The following PRKCZ variants were observed in gnomAD, a reference collection of about 807,000 sequenced individuals.
PRKCZ encodes the protein protein kinase C zeta, also known as protein kinase C zeta type.
A neutral mutation model predicts 79.5 loss-of-function variants in PRKCZ; 33 were observed. The ratio of observed to expected loss-of-function variants is 0.41; its 90% CI spans 0.31 to 0.55. The LOEUF is 0.55. PRKCZ is among the 20% of genes least tolerant of loss of function. PRKCZ has a pLI of 0.19. For synonymous variants in PRKCZ, 342 were observed against 320.9 expected (o/e 1.07, Z -0.70); for missense variants, 578 against 813.5 (o/e 0.71, Z 3.52).
At chr1:2,133,589 C>G (rs2103012164) in intron 4 of PRKCZ, 1 of 141,174 alleles carries the variant, frequency 7.1e-6, no homozygotes, top group East Asian at 2.3e-4. Flanking sequence ...CCATTTTTGA[C>G]TCCGCCCCCG....
intron 11 of PRKCZ, among the ~76,000 whole-genome samples, 170 bp downstream of exon 11, chr1:2,169,774 G>A (rs1397325378): frequency 7.7e-6 from 1 of 129,040 alleles, no homozygotes; most frequent in Non-Finnish European, 1.7e-5. Context: ...GGTGGGGTGT[G>A]CACGGAGGGG....
rs375267376 is a variant in PRKCZ, at chr1:2,135,253, C to T, written c.335-9C>T. ...CTGTTTCTTTACACCTTTCTCATAT[C>T]CTTTCCAGAATCTATCTACCGCCGG... is the stretch of plus-strand genomic sequence containing the variant. On this transcript the variant is annotated splice_polypyrimidine_tract_variant and intron_variant, in intron 4 of 17. Transcript: ENST00000378567. The T allele has an allele frequency of 2.5e-6, 4 of 1,609,456 alleles. No individual in the cohort carries two copies. The highest frequency in any genetic ancestry group is 1.7e-5 in the Admixed American group (1 of 59,868).
At chr1:2,184,801 C>G in intron 17 of PRKCZ, 103 bp downstream of exon 17, 1 of 1,381,254 alleles carries the variant, frequency 7.2e-7, no homozygotes, top group Non-Finnish European at 1.0e-6. Flanking sequence ...TGAGTCCCAC[C>G]CGCCTGGTGT....
chr1:2,139,690 C>T (rs1289807341), intron 5 of PRKCZ, among the ~76,000 whole-genome samples: 1 of 152,194 alleles, frequency 6.6e-6, no homozygotes, highest in Non-Finnish European at 1.5e-5. Flanking sequence ...AGGCATGGAC[C>T]CTACTCTCTG....
At chr1:2,120,831 A>G (rs1481450960) in intron 4 of PRKCZ, among the ~76,000 whole-genome samples, 2 of 131,396 alleles carry the variant, frequency 1.5e-5, no homozygotes, top group Non-Finnish European at 3.1e-5. Context: ...TAGAATTTCC[A>G]TTTGATTCTT....
At position 2,055,425 on chromosome 1, in the gene PRKCZ, G is replaced by T; in HGVS notation, c.72-16G>T. 2.5e-6 allele frequency: 4 copies of T among 1,595,852 alleles called. No individual in the cohort carries two copies. The highest frequency in any genetic ancestry group is 3.4e-6 in the Non-Finnish European group (4 of 1,169,486). On this transcript the variant is annotated splice_polypyrimidine_tract_variant and intron_variant, in intron 1 of 17. Transcript: ENST00000378567. ...ATGCCCCACGGTAACAGATGCCCAT[G>T]TCCCCTCTGCCCCAGGGACATCTTC...
At chr1:2,061,153 C>T (rs1030035184) in intron 4 of PRKCZ, among the ~76,000 whole-genome samples, 3 of 152,334 alleles carry the variant, frequency 2.0e-5, no homozygotes, top group East Asian at 1.9e-4. Context: ...GACTGTGCTC[C>T]TCTGTCCCAT....
At chr1:2,057,170 G>A (rs947719245) in intron 3 of PRKCZ, among the ~76,000 whole-genome samples, 3 of 152,330 alleles carry the variant, frequency 2.0e-5, no homozygotes, top group Non-Finnish European at 4.4e-5. Context: ...TCACCTGCCC[G>A]GTGCTCCCTA....
In PRKCZ at chr1:2,148,101, C is replaced by G. The variant is rs1007962869; in HGVS notation, c.635-771C>G. Among the ~76,000 whole-genome samples, 5 of 151,442 alleles carry G rather than the reference C, an allele frequency of 3.3e-5. No individual in the cohort carries two copies. In the East Asian group the frequency reaches 5.8e-4, roughly 18 times the overall value. ...ATCTATTGTCTACTGACCTCTCCAT[C>G]TATCCATCCATCTATTGTCCACTGA... On this transcript the variant is annotated intron_variant, in intron 7 of 17. Transcript: ENST00000378567.
chr1:2,061,180 C>T (rs925229678), intron 4 of PRKCZ, among the ~76,000 whole-genome samples: 4 of 152,192 alleles, frequency 2.6e-5, no homozygotes, highest in African/African-American at 7.2e-5. Flanking sequence ...TGAGACTGTG[C>T]ACTCCCAGAG....
In PRKCZ at chr1:2,109,831, C is replaced by T. The variant is rs144245542; in HGVS notation, c.335-25431C>T. ...ATTTTGTGGTGTCGGTGGTGGGAGC[C>T]GCCGGGGAAAGCCGTCATCCTGGAG... On this transcript the variant is annotated intron_variant, in intron 4 of 17. Transcript: ENST00000378567. Among the ~76,000 whole-genome samples, 1,380 of 152,210 alleles carry T rather than the reference C, an allele frequency of 9.1e-3. 16 individuals carry two copies. The highest frequency in any genetic ancestry group is 0.011 in the Non-Finnish European group (764 of 67,998).
At chr1:2,179,387 C>T (rs1197595103) in intron 16 of PRKCZ, among the ~76,000 whole-genome samples, 1 of 152,180 alleles carries the variant, frequency 6.6e-6, no homozygotes, top group Non-Finnish European at 1.5e-5. Flanking sequence ...TAAGAGGGTC[C>T]CCATCCCCGC....
At chr1:2,089,241 G>T (rs1016544834) in intron 4 of PRKCZ, among the ~76,000 whole-genome samples, 1 of 152,136 alleles carries the variant, frequency 6.6e-6, no homozygotes, top group African/African-American at 2.4e-5. Flanking sequence ...CCATGAGGAA[G>T]GACCCAGAGG....
intron 4 of PRKCZ, among the ~76,000 whole-genome samples, chr1:2,069,061 CA>C (rs1046499864): frequency 2.6e-4 from 40 of 152,346 alleles, no homozygotes; most frequent in South Asian, 8.3e-4. Context: ...TCCTGCTGGT[CA>C]CCACCCCGCC....
chr1:2,091,072 C>T (rs1437918315), intron 4 of PRKCZ, among the ~76,000 whole-genome samples: 2 of 152,204 alleles, frequency 1.3e-5, no homozygotes, highest in African/African-American at 2.4e-5. Flanking sequence ...ACTCTTGTTG[C>T]CCAGGCTGGA....
intron 4 of PRKCZ, among the ~76,000 whole-genome samples, chr1:2,080,169 G>A (rs551719705): frequency 6.6e-6 from 1 of 152,288 alleles, no homozygotes; most frequent in Non-Finnish European, 1.5e-5. Flanking sequence ...GCTGTTACGG[G>A]TTTTTTGGAG....
At chr1:2,151,089 CG>C in intron 9 of PRKCZ, 111 bp downstream of exon 9, 1 of 1,311,962 alleles carries the variant, frequency 7.6e-7, no homozygotes. Flanking sequence ...CTCACGTTGA[CG>C]GAGTTTGTGC....
At chr1:2,081,830 C>T (rs1439007453) in intron 4 of PRKCZ, among the ~76,000 whole-genome samples, 1 of 152,114 alleles carries the variant, frequency 6.6e-6, no homozygotes, top group Non-Finnish European at 1.5e-5. Flanking sequence ...CGCCCCGCCC[C>T]CCAGCATCCC....
At position 2,125,864 on chromosome 1, in the gene PRKCZ, C is replaced by T. The variant is rs1181413687; in HGVS notation, c.335-9398C>T. On this transcript the variant is annotated intron_variant, in intron 4 of 17. Coordinates refer to ENST00000378567, the MANE Select transcript of PRKCZ (RefSeq NM_002744.6). The surrounding 1 kb of genome is among the most constrained non-coding windows in gnomAD (Gnocchi z 4.2). ...CGGGGATTTGCGCCCTGGAAGGAGC[C>T]GCCCGGCTGCCTCTCGCCAACATGC... Among the ~76,000 whole-genome samples the T allele has an allele frequency of 6.6e-6, 1 of 152,192 alleles. No homozygotes were observed. The highest frequency in any genetic ancestry group is 1.5e-5 in the Non-Finnish European group (1 of 68,010).
Sources: allele counts gnomAD v4.1 joint callset (sites outside exome capture counted in the v4.1 genomes callset), GRCh38; gene constraint gnomAD v4.1.1; non-coding constraint Gnocchi (gnomAD v3.1); transcripts MANE v1.5; gene names NCBI Gene and HGNC (gene_info 2026-07-23, HGNC 2026-07-21).